Variants in FAT1 observed in about 807,000 individuals in gnomAD.
The protein encoded by FAT1 is FAT atypical cadherin 1, also known as protocadherin Fat 1.
In FAT1, 171 loss-of-function variants were observed where a neutral mutation model predicts 329.8. The observed-to-expected ratio is 0.52, with a 90% CI of 0.46 to 0.59. The LOEUF (loss-of-function observed/expected upper bound fraction) is 0.59. Ranked by LOEUF, FAT1 falls within the 20% of genes least tolerant of loss-of-function variation. The pLI, the probability that FAT1 is intolerant of heterozygous loss-of-function variation, is 0.00. For synonymous variants in FAT1, 2,233 were observed against 2,228.6 expected, an observed-to-expected ratio of 1.00 and a Z score of -0.06; for missense variants, 5,672 against 5,774.4, an observed-to-expected ratio of 0.98 and a Z score of 0.57.
chr4:186,688,510 TGACCTAATCAATA>T (rs888374914), intron 2 of FAT1, among the ~76,000 whole-genome samples: 2 of 152,138 alleles, frequency 1.3e-5, no homozygotes, highest in African/African-American at 4.8e-5. Flanking sequence ...GACCAGGCTG[TGACCTAATCAATA>T]GGGTTCCAAG....
chr4:186,666,930 C>T lies in FAT1; in HGVS notation c.3266-3317G>A, dbSNP rs565387128. On this transcript the variant is annotated intron_variant, in intron 2 of 26. Coordinates refer to ENST00000441802, the MANE Select transcript of FAT1 (RefSeq NM_005245.4). ...ATCTCATCTTCAGCGCCAGCAATAT[C>T]CTTGTCAGTCCTACGGCTGTTATGA... Among the ~76,000 whole-genome samples the T allele has an allele frequency of 3.3e-5, 5 of 152,318 alleles. No individual in the cohort carries two copies. The South Asian group carries it at 1.0e-3, about 32-fold the overall frequency.
In FAT1 at chr4:186,707,526, C is replaced by T. The variant is rs745364921; in HGVS notation, c.2302G>A (p.Asp768Asn). Residue 768 changes from aspartate to asparagine, a missense_variant, in exon 2 of 27, where the codon GAT becomes AAT. Physicochemically the swap from Asp to Asn is conservative, Grantham distance 23. Coordinates refer to ENST00000441802, the MANE Select transcript of FAT1 (RefSeq NM_005245.4). ...ATTTTCAGCATTCCTGTTTCCATAT[C>T]AATCATGAAGCAACTATCCTCATTT... is the stretch of plus-strand genomic sequence containing the variant. Reference protein sequence around the residue: ...GGNEDSCFMIDMETGMLKILS... With the variant: ...GGNEDSCFMINMETGMLKILS... The T allele has an allele frequency of 1.4e-5, 22 of 1,614,004 alleles. No homozygotes were observed. The East Asian group carries it at 4.9e-4, about 36-fold the overall frequency.
rs773993717 is a variant in FAT1 at position 186,589,091 on chromosome 4, T to C, written c.13268A>G (p.Asp4423Gly). Residue 4423 changes from aspartate (D) to glycine (G), a missense_variant, in exon 27 of 27, where the codon GAC (aspartate) becomes GGC (glycine). By Grantham distance (94) the Asp-to-Gly change is moderately conservative (BLOSUM62 -1). Coordinates refer to ENST00000441802, the MANE Select transcript of FAT1 (RefSeq NM_005245.4). ...GATGTCGTAGCCTCCAGGGTAATAG[T>C]CCGTATCGATGGCGTTTGGATCTGC... is the stretch of plus-strand genomic sequence containing the variant. The part of the protein sequence containing the change: ...YSADPNAIDT[D>G]YYPGGYDIES... 7 of 1,613,846 alleles carry C rather than the reference T, an allele frequency of 4.3e-6. No individual in the cohort carries two copies. The highest frequency in any genetic ancestry group is 5.1e-6 in the Non-Finnish European group (6 of 1,179,862).
At chr4:186,688,848 C>T (rs1315221476) in intron 2 of FAT1, among the ~76,000 whole-genome samples, 2 of 152,092 alleles carry the variant, frequency 1.3e-5, no homozygotes, top group Non-Finnish European at 2.9e-5. Context: ...TTTTCATAAC[C>T]TGTATTCGTT....
chr4:186,627,467 G>A (rs1439184749), intron 9 of FAT1, among the ~76,000 whole-genome samples: 2 of 152,282 alleles, frequency 1.3e-5, no homozygotes, highest in South Asian at 2.1e-4. Context: ...TTGTTATCCC[G>A]ACTCTGGATC....
At chr4:186,630,022 C>T (rs182839599) in intron 7 of FAT1, among the ~76,000 whole-genome samples, 10 of 152,306 alleles carry the variant, frequency 6.6e-5, no homozygotes, top group Admixed American at 2.0e-4. Flanking sequence ...CAAGCTCAAG[C>T]ATTATTAAGT....
At chr4:186,607,547 A>G (rs1739209707) in intron 16 of FAT1, among the ~76,000 whole-genome samples, 2 of 151,842 alleles carry the variant, frequency 1.3e-5, no homozygotes, top group South Asian at 2.1e-4. Flanking sequence ...GGATGGATGG[A>G]TAACTGGATA....
rs746019955 is a variant in FAT1, at chr4:186,708,720, C to T, written c.1108G>A (p.Asp370Asn). Reference protein sequence around the residue: ...FKAGPVKFEKDVYRAEISEFA... With the variant: ...FKAGPVKFEKNVYRAEISEFA... ...TCACTTATTTCTGCTCTGTAAACAT[C>T]CTTTTCAAACTTGACTGGCCCGGCT... The change falls in exon 2 of 27, where the codon GAT becomes AAT. Residue 370 changes from aspartate (D) to asparagine (N), a missense_variant. Asp to Asn is a conservative substitution (Grantham distance 23, BLOSUM62 1). Around this residue, in one of 2 missense-constraint regions of FAT1, gnomAD observed 3,966 missense variants for 3,915.2 expected, o/e 1.01. Transcript: ENST00000441802. The T allele has an allele frequency of 6.2e-7, 1 of 1,613,910 alleles. No individual in the cohort carries two copies. Among genetic ancestry groups the T allele is most frequent in the Non-Finnish European group, 8.5e-7 (1 of 1,179,878 alleles).
intron 2 of FAT1, among the ~76,000 whole-genome samples, chr4:186,692,438 G>C (rs1473112181): frequency 2.0e-5 from 3 of 151,726 alleles, no homozygotes; most frequent in Non-Finnish European, 4.4e-5. Context: ...TCAGCCTCCC[G>C]AGTAGCTGGG....
At chr4:186,712,699 G>A (rs1394247592) in intron 1 of FAT1, among the ~76,000 whole-genome samples, 1 of 152,208 alleles carries the variant, frequency 6.6e-6, no homozygotes, top group Admixed American at 6.5e-5. Flanking sequence ...CTAGTGACAT[G>A]CTGGGCAACT....
In FAT1 at chr4:186,601,294, C is replaced by T. The variant is rs757311451; in HGVS notation, c.11615G>A (p.Arg3872Gln). The stretch of plus-strand genomic sequence containing the variant: ...CTCCAAGATGCTATAGTCAGTTCCT[C>T]GAGCATACATGACAACCGCATGCGT... ...YSTHAVVMYA[R>Q]GTDYSILEIH... is the part of the protein sequence containing the mutation. The change falls in exon 21 of 27, where the codon CGA (arginine) becomes CAA (glutamine). Residue 3872 changes from arginine to glutamine, a missense_variant. Transcript: ENST00000441802. 20 of 1,606,830 alleles carry T rather than the reference C, an allele frequency of 1.2e-5. No individual in the cohort carries two copies. The highest frequency in any genetic ancestry group is 2.2e-5 in the South Asian group (2 of 90,522).
At chr4:186,705,340 CTT>C (rs141631945) in intron 2 of FAT1, among the ~76,000 whole-genome samples, 3,972 of 152,148 alleles carry the variant, frequency 0.026, 115 homozygotes, top group East Asian at 0.09. Context: ...TGAAGACTCT[CTT>C]GTTTTTTTGT....
chr4:186,663,265 C>T (rs2126616258), intron 3 of FAT1, 34 bp downstream of exon 3: 1 of 1,489,310 alleles, frequency 6.7e-7, no homozygotes, highest in Non-Finnish European at 9.3e-7. Flanking sequence ...AAAGCATAAG[C>T]ATAAACATTT....
At chr4:186,617,637 C>T in intron 10 of FAT1, 71 bp downstream of exon 10, 4 of 1,285,686 alleles carry the variant, frequency 3.1e-6, no homozygotes, top group Non-Finnish European at 4.3e-6. Context: ...CCATACAATA[C>T]AGATCTTATA....
chr4:186,692,469 C>T (rs1411421582), intron 2 of FAT1, among the ~76,000 whole-genome samples: 8 of 151,992 alleles, frequency 5.3e-5, no homozygotes, highest in Admixed American at 1.3e-4. Flanking sequence ...CCCGCCACCA[C>T]GCCCGGCTAA....
At chr4:186,675,360 A>G (rs1742904128) in intron 2 of FAT1, among the ~76,000 whole-genome samples, 1 of 151,280 alleles carries the variant, frequency 6.6e-6, no homozygotes. Flanking sequence ...CCAGTTACTC[A>G]GGAGGCTGAG....
In FAT1 at chr4:186,596,530, T is replaced by G; in HGVS notation, c.13000+10A>C. 1 of 1,604,204 alleles carries G rather than the reference T, an allele frequency of 6.2e-7. No individual in the cohort carries two copies. The highest frequency in any genetic ancestry group is 8.5e-7 in the Non-Finnish European group (1 of 1,176,700). The stretch of plus-strand genomic sequence containing the variant: ...GTGACACTTTAGTGAGATGAAAAAG[T>G]GGCTCTTACTGTCATAGTCAAAGTC... On this transcript the variant is annotated intron_variant, in intron 25 of 26. Coordinates refer to ENST00000441802, the MANE Select transcript of FAT1 (RefSeq NM_005245.4). The surrounding 1 kb of genome is among the most constrained non-coding windows in gnomAD (Gnocchi z 4.7).
At chr4:186,643,475 T>C (rs1342947755) in intron 3 of FAT1, among the ~76,000 whole-genome samples, 1 of 152,210 alleles carries the variant, frequency 6.6e-6, no homozygotes, top group Non-Finnish European at 1.5e-5. Context: ...AGAGAGGCCG[T>C]GCATGAGTGT....
Position 186,597,169 on chromosome 4 carries a change from C to A in FAT1, c.12371G>T (p.Cys4124Phe). The A allele has an allele frequency of 6.3e-7, 1 of 1,599,694 alleles. No homozygotes were observed. Among genetic ancestry groups the A allele is most frequent in the South Asian group, 1.1e-5 (1 of 88,242 alleles). Reference protein sequence around the residue: ...QCDSGFRGERCQSDIDECSGN... With the variant: ...QCDSGFRGERFQSDIDECSGN... ...AGAGCACTCGTCGATATCACTCTGACACCTGCCAAGGAAGTCAGGAATGAG... is the reference window on the plus strand; with the variant it reads ...AGAGCACTCGTCGATATCACTCTGAAACCTGCCAAGGAAGTCAGGAATGAG... The change falls in exon 25 of 27, where the codon TGT becomes TTT. Residue 4124 changes from cysteine (C) to phenylalanine (F), a missense_variant and splice_region_variant. Transcript: ENST00000441802.
Sources: allele counts gnomAD v4.1 joint callset (sites outside exome capture counted in the v4.1 genomes callset), GRCh38; gene constraint gnomAD v4.1.1; regional missense constraint gnomAD v4.1.1; non-coding constraint Gnocchi (gnomAD v3.1); transcripts MANE v1.5; gene names NCBI Gene and HGNC (gene_info 2026-07-23, HGNC 2026-07-21).